Variants in CHN2 observed in about 807,000 individuals in gnomAD.
CHN2 encodes the protein beta-chimaerin.
CHN2 carries 35 observed loss-of-function variants against 56.3 expected under a neutral mutation model. The ratio of observed to expected loss-of-function variants is 0.62; its 90% CI spans 0.47 to 0.82. The LOEUF (loss-of-function observed/expected upper bound fraction) is 0.82. CHN2 is among the 40% of genes least tolerant of loss of function. The probability of loss-of-function intolerance (pLI) is 0.00; values close to 1 mark genes in which losing one functional copy is unlikely to be tolerated. For synonymous variants in CHN2, 210 were observed against 212.8 expected, an observed-to-expected ratio of 0.99 and a Z score of 0.12; for missense variants, 491 against 580.5, an observed-to-expected ratio of 0.85 and a Z score of 1.58.
intron 1 of CHN2, among the ~76,000 whole-genome samples, chr7:29,263,462 G>A (rs1305095708): frequency 2.0e-5 from 3 of 152,204 alleles, no homozygotes; most frequent in African/African-American, 7.2e-5. Flanking sequence ...CGTATAGGAA[G>A]TGAGGAGCGT....
At chr7:29,504,919 T>C (rs1215574527) in intron 10 of CHN2, 98 bp downstream of exon 10, 4 of 792,426 alleles carry the variant, frequency 5.0e-6, no homozygotes, top group East Asian at 5.0e-5. Context: ...TCAGAACTAC[T>C]AAGAGTTGTT....
intron 9 of CHN2, 125 bp downstream of exon 9, chr7:29,500,165 G>GCA (rs968755025): frequency 2.2e-5 from 13 of 584,352 alleles, no homozygotes; most frequent in Admixed American, 3.7e-5. Context: ...GCATGTGTGC[G>GCA]CACACACACA....
chr7:29,274,290 A>G (rs191044117), intron 1 of CHN2, among the ~76,000 whole-genome samples: 137 of 152,294 alleles, frequency 9.0e-4, no homozygotes, highest in South Asian at 3.9e-3. Context: ...CTGAATCTCA[A>G]ATTGCATGTG....
intron 2 of CHN2, among the ~76,000 whole-genome samples, chr7:29,361,533 G>A (rs749154337): frequency 9.4e-4 from 143 of 152,296 alleles, no homozygotes; most frequent in Non-Finnish European, 1.4e-3. Flanking sequence ...GTCTACTGCC[G>A]AGGGGCCAGG....
At chr7:29,212,799 G>A (rs536539028) in intron 1 of CHN2, 75 of 1,608,994 alleles carry the variant, frequency 4.7e-5, no homozygotes, top group Non-Finnish European at 6.2e-5. Context: ...GGTGTGACTC[G>A]GAAGGCCTCA....
At chr7:29,212,902 A>G (rs1299271036) in intron 1 of CHN2, 1 of 1,610,690 alleles carries the variant, frequency 6.2e-7, no homozygotes, top group Non-Finnish European at 8.5e-7. Flanking sequence ...CCAGACCTGG[A>G]ACAATTCATC....
chr7:29,373,048 T>C lies in CHN2; in HGVS notation c.144+5061T>C, dbSNP rs371382036. Among the ~76,000 whole-genome samples the C allele has an allele frequency of 1.6e-4, 25 of 152,354 alleles. 2 individuals carry two copies. The highest frequency in any genetic ancestry group is 6.0e-4 in the African/African-American group (25 of 41,584). On this transcript the variant is annotated intron_variant, in intron 3 of 12. Transcript: ENST00000222792. ...ATATAGCTTCATTTCCTTCTTGCTG[T>C]GGAATAGTCTATTTTGGAAAACTTT...
rs1420145 is a variant in CHN2, at chr7:29,512,847, C to G, written c.*112C>G. On this transcript the variant is annotated 3_prime_UTR_variant, in exon 13 of 13. Transcript: ENST00000222792. Reference sequence around the variant, plus strand: ...GTTTTCCAAGCAAGTGCTAGAATTTCCTGGACTGCAGAGGATCGCTGAGTG... The same window carrying G: ...GTTTTCCAAGCAAGTGCTAGAATTTGCTGGACTGCAGAGGATCGCTGAGTG... 0.97 allele frequency: 1,219,174 copies of G among 1,259,894 alleles called. 589,975 individuals are homozygous for G. Among genetic ancestry groups the G allele is most frequent in the East Asian group, 1 (40,109 of 40,112 alleles). The allele number at this position is 1,259,894 out of a possible 1,614,324, so 78.0% of individuals were successfully genotyped here.
At chr7:29,370,409 C>T (rs1275784464) in intron 3 of CHN2, among the ~76,000 whole-genome samples, 2 of 152,122 alleles carry the variant, frequency 1.3e-5, no homozygotes, top group African/African-American at 4.8e-5. Flanking sequence ...TTACATAAAG[C>T]AGTAAAGGCT....
intron 2 of CHN2, among the ~76,000 whole-genome samples, chr7:29,159,679 C>T (rs1584480072): frequency 6.6e-6 from 1 of 152,046 alleles, no homozygotes. Flanking sequence ...CTACCCTGAC[C>T]CCCCTATTTA....
intron 1 of CHN2, among the ~76,000 whole-genome samples, chr7:29,279,562 G>A (rs1584948104): frequency 6.6e-6 from 1 of 152,244 alleles, no homozygotes; most frequent in Admixed American, 6.5e-5. Flanking sequence ...TGCTGTAATA[G>A]AGGTACATAC....
intron 5 of CHN2, 28 bp downstream of exon 5, chr7:29,398,514 A>G: frequency 2.8e-6 from 4 of 1,420,306 alleles, no homozygotes; most frequent in Non-Finnish European, 4.0e-6. Flanking sequence ...CCTTGTTTTC[A>G]TTGCTGTACA....
In CHN2 at chr7:29,469,386, C is replaced by G; in HGVS notation, c.577-10893C>G. Among the ~76,000 whole-genome samples, 2 of 152,226 alleles carry G rather than the reference C, an allele frequency of 1.3e-5. 1 individual carries two copies. Among genetic ancestry groups the G allele is most frequent in the Non-Finnish European group, 2.9e-5 (2 of 68,042 alleles). ...TTGTAAAGTCATTCAGATGATACCA[C>G]AGCTCTGTTCAGTACTCTGCAGTGG... On this transcript the variant is annotated intron_variant, in intron 6 of 12. Transcript: ENST00000222792.
intron 1 of CHN2, among the ~76,000 whole-genome samples, chr7:29,239,279 T>A (rs2128808778): frequency 1.3e-5 from 2 of 152,172 alleles, no homozygotes; most frequent in South Asian, 4.2e-4. Context: ...GCATGTGGAA[T>A]CAGGAATAAT....
chr7:29,344,395 G>A lies in CHN2; in HGVS notation c.50-10230G>A, dbSNP rs138744224. Among the ~76,000 whole-genome samples, 145 of 152,212 alleles carry A rather than the reference G, an allele frequency of 9.5e-4. No homozygotes were observed. The East Asian group carries it at 0.022, about 23-fold the overall frequency. ...TAAGTCCTTAGCATGGTTGTAAAAC[G>A]CTTAATTATCTGGCCCCTACTTACT... On this transcript the variant is annotated intron_variant, in intron 1 of 12. Coordinates refer to ENST00000222792, the MANE Select transcript of CHN2 (RefSeq NM_004067.4).
At chr7:29,380,419 G>T (rs904003054) in intron 3 of CHN2, among the ~76,000 whole-genome samples, 4 of 152,136 alleles carry the variant, frequency 2.6e-5, no homozygotes, top group African/African-American at 9.7e-5. Context: ...GTCTAAAAAG[G>T]CTCCTTAGGG....
intron 6 of CHN2, among the ~76,000 whole-genome samples, chr7:29,455,505 C>T (rs1225528188): frequency 1.3e-5 from 2 of 152,156 alleles, no homozygotes; most frequent in Non-Finnish European, 2.9e-5. Context: ...TCCTGACTTC[C>T]TATTTAGTGT....
At chr7:29,201,353 C>T (rs1008912491) in intron 1 of CHN2, among the ~76,000 whole-genome samples, 16 of 152,198 alleles carry the variant, frequency 1.1e-4, no homozygotes, top group Admixed American at 4.6e-4. Flanking sequence ...ATTAATGCTC[C>T]CCCCACCCAC....
At chr7:29,250,766 A>G (rs1331597077) in intron 1 of CHN2, among the ~76,000 whole-genome samples, 1 of 149,260 alleles carries the variant, frequency 6.7e-6, no homozygotes, top group South Asian at 2.1e-4. Flanking sequence ...GCTGGAGTAC[A>G]GTGGCACAGT....
Sources: allele counts gnomAD v4.1 joint callset (sites outside exome capture counted in the v4.1 genomes callset), GRCh38; gene constraint gnomAD v4.1.1; transcripts MANE v1.5; gene names NCBI Gene and HGNC (gene_info 2026-07-23, HGNC 2026-07-21).